TRAK1: variants seen among roughly 807,000 people sequenced by gnomAD.
TRAK1 encodes the protein trafficking kinesin-binding protein 1.
TRAK1 carries 33 observed loss-of-function variants against 92.1 expected under a neutral mutation model. That is an observed-to-expected ratio of 0.36 (90% CI 0.27 to 0.48). The LOEUF is 0.48. TRAK1 is among the 20% of genes least tolerant of loss of function. TRAK1 has a pLI of 0.99. For synonymous variants in TRAK1, 521 were observed against 517.3 expected (o/e 1.01, Z -0.10); for missense variants, 1,123 against 1,257.9 (o/e 0.89, Z 1.62).
At chr3:42,205,883 C>T (rs1017980176) in intron 13 of TRAK1, among the ~76,000 whole-genome samples, 1 of 152,226 alleles carries the variant, frequency 6.6e-6, no homozygotes, top group African/African-American at 2.4e-5. Flanking sequence ...TGCCCTTTTC[C>T]CATAGAACTT....
At chr3:42,104,554 A>G (rs148380937) in intron 1 of TRAK1, among the ~76,000 whole-genome samples, 2,864 of 152,326 alleles carry the variant, frequency 0.019, 46 homozygotes, top group South Asian at 0.028. Context: ...GCTATTCTGC[A>G]GCCTCCGCTG....
chr3:42,047,927 T>TTTC (rs1279480092), intron 1 of TRAK1, among the ~76,000 whole-genome samples: 3 of 150,488 alleles, frequency 2.0e-5, no homozygotes, highest in African/African-American at 7.3e-5. Context: ...CTTTTCTTTT[T>TTTC]TTTTTTTTTT....
chr3:42,188,331 A>G (rs1013648807), intron 5 of TRAK1, among the ~76,000 whole-genome samples, 186 bp downstream of exon 5: 2 of 152,206 alleles, frequency 1.3e-5, no homozygotes, highest in African/African-American at 2.4e-5. Flanking sequence ...CGGGATATGG[A>G]TGGACAGGTT....
intron 13 of TRAK1, among the ~76,000 whole-genome samples, chr3:42,204,644 G>C (rs1318139078): frequency 3.3e-5 from 5 of 152,160 alleles, no homozygotes; most frequent in Non-Finnish European, 7.4e-5. Context: ...CAGTACAGTA[G>C]TGTGATCATA....
intron 3 of TRAK1, among the ~76,000 whole-genome samples, chr3:42,182,646 T>G (rs1704184088): frequency 6.6e-6 from 1 of 152,058 alleles, no homozygotes; most frequent in Non-Finnish European, 1.5e-5. Context: ...GCATTGCCAG[T>G]TTGGGGACTG....
chr3:42,132,208 A>G (rs377476092), intron 2 of TRAK1, among the ~76,000 whole-genome samples: 2 of 151,200 alleles, frequency 1.3e-5, no homozygotes, highest in South Asian at 4.2e-4. Context: ...CTCTAAGTCT[A>G]GATTACTTGT....
chr3:42,045,943 C>T (rs190115085), intron 1 of TRAK1, among the ~76,000 whole-genome samples: 176 of 152,312 alleles, frequency 1.2e-3, no homozygotes, highest in African/African-American at 4.1e-3. Flanking sequence ...ATTCCAGGGC[C>T]ATTGCTATAA....
chr3:42,148,532 A>G (rs1011352856), intron 2 of TRAK1, among the ~76,000 whole-genome samples: 1 of 152,118 alleles, frequency 6.6e-6, no homozygotes, highest in Non-Finnish European at 1.5e-5. Context: ...TTAAAACCTC[A>G]TTTCCTCACT....
intron 2 of TRAK1, among the ~76,000 whole-genome samples, chr3:42,172,360 T>A (rs1489946946): frequency 6.6e-6 from 1 of 152,166 alleles, no homozygotes; most frequent in African/African-American, 2.4e-5. Context: ...GTTGTCCCAG[T>A]GAGAAGCCCT....
chr3:42,063,731 A>G (rs532329534), intron 1 of TRAK1, among the ~76,000 whole-genome samples: 112 of 151,204 alleles, frequency 7.4e-4, no homozygotes, highest in African/African-American at 2.5e-3. Context: ...TGAAAAAAGC[A>G]TATGTGCCGG....
rs1301664941 is a variant in TRAK1, at chr3:42,149,133, A to G, written c.286+23519A>G. ...ATGGCAACGGTTAGATTGAAAGATG[A>G]GCGGCGAGCAGGAGACGAGGCTTGA... is the stretch of plus-strand genomic sequence containing the variant. On this transcript the variant is annotated intron_variant, in intron 2 of 15. Coordinates refer to ENST00000327628, the MANE Select transcript of TRAK1 (RefSeq NM_001042646.3). 19 of 955,352 alleles carry G rather than the reference A, an allele frequency of 2.0e-5. No individual in the cohort carries two copies. The East Asian group carries it at 3.2e-4, about 16-fold the overall frequency. 59.2% of individuals were successfully genotyped at this position (955,352 alleles called of 1,614,324 possible).
At chr3:42,125,302 C>A in intron 1 of TRAK1, 118 bp from the exon 2 acceptor site, 2 of 858,300 alleles carry the variant, frequency 2.3e-6, no homozygotes, top group African/African-American at 1.7e-5. Context: ...CCTTGTCTAG[C>A]TTCTTTGTGC....
At chr3:42,026,616 C>T (rs1191101875) in intron 1 of TRAK1, among the ~76,000 whole-genome samples, 1 of 151,770 alleles carries the variant, frequency 6.6e-6, no homozygotes, top group African/African-American at 2.4e-5. Context: ...CCTCTGCCTC[C>T]CAGGTTCAAG....
chr3:42,054,438 G>A (rs755016401), intron 1 of TRAK1, among the ~76,000 whole-genome samples: 53 of 152,126 alleles, frequency 3.5e-4, no homozygotes, highest in Non-Finnish European at 6.9e-4. Context: ...TTTTAGCAAT[G>A]ATAGGAAGCC....
chr3:42,202,574 G>A lies in TRAK1; in HGVS notation c.1566G>A (p.Arg522=). The A allele has an allele frequency of 6.3e-7, 1 of 1,587,020 alleles. No individual in the cohort carries two copies. The highest frequency in any genetic ancestry group is 8.6e-7 in the Non-Finnish European group (1 of 1,160,484). ...GGTTCTTTGAGGAGGAGCAAGAGAG[G>A]AAGCTCCAGGAGCTGGCGGAGAAGG... The part of the protein sequence containing the change: ...ERRFFEEEQE[R]KLQELAEKGE... The change falls in exon 13 of 16, where the codon AGG becomes AGA. Residue 522 remains arginine, a synonymous_variant. Transcript: ENST00000327628. The surrounding 1 kb of genome is among the most constrained non-coding windows in gnomAD (Gnocchi z 6.1).
At chr3:42,026,252 G>A (rs1318679568) in intron 1 of TRAK1, among the ~76,000 whole-genome samples, 1 of 152,148 alleles carries the variant, frequency 6.6e-6, no homozygotes, top group Non-Finnish European at 1.5e-5. Flanking sequence ...TTCATAGAAA[G>A]TATAAGAAAT....
At chr3:42,106,145 A>T (rs1461398773) in intron 1 of TRAK1, among the ~76,000 whole-genome samples, 1 of 152,252 alleles carries the variant, frequency 6.6e-6, no homozygotes, top group Non-Finnish European at 1.5e-5. Flanking sequence ...CATCATAATG[A>T]CAGGATCAAA....
intron 1 of TRAK1, among the ~76,000 whole-genome samples, chr3:42,067,747 T>C (rs371259881): frequency 3.2e-4 from 48 of 152,360 alleles, no homozygotes; most frequent in African/African-American, 9.6e-4. Context: ...GTTCAGTGAA[T>C]ATCCATTGTG....
At chr3:42,037,082 C>T (rs1192856080) in intron 1 of TRAK1, among the ~76,000 whole-genome samples, 2 of 152,176 alleles carry the variant, frequency 1.3e-5, no homozygotes, top group Non-Finnish European at 2.9e-5. Flanking sequence ...CCCACCTTGG[C>T]CTCCCAAAGC....
Sources: gnomAD v4.1 joint callset for allele counts (sites outside exome capture counted in the v4.1 genomes callset) on GRCh38, gnomAD v4.1.1 for gene constraint, Gnocchi (gnomAD v3.1) non-coding constraint, MANE v1.5 for transcripts, NCBI Gene and HGNC (gene_info 2026-07-23, HGNC 2026-07-21) for gene names.